NEGR1: variants seen among roughly 807,000 people sequenced by gnomAD.
The protein encoded by NEGR1 is IgLON family member 4.
In NEGR1, 10 loss-of-function variants were observed where a neutral mutation model predicts 40.9. The observed-to-expected ratio is 0.24, with a 90% CI of 0.15 to 0.42. The LOEUF is 0.42. NEGR1 is among the 10% of genes least tolerant of loss of function. NEGR1 has a pLI of 1.00. For synonymous variants in NEGR1, 185 were observed against 166.8 expected, an observed-to-expected ratio of 1.11 and a Z score of -0.84; for missense variants, 352 against 438.9, an observed-to-expected ratio of 0.80 and a Z score of 1.77.
intron 6 of NEGR1, among the ~76,000 whole-genome samples, chr1:71,503,849 G>A (rs1305659587): frequency 3.3e-5 from 5 of 151,598 alleles, no homozygotes; most frequent in Non-Finnish European, 5.9e-5. Flanking sequence ...TTAGGAAAGC[G>A]GCCATAACCA....
chr1:72,186,829 T>G (rs1652629022), intron 1 of NEGR1, among the ~76,000 whole-genome samples: 1 of 151,542 alleles, frequency 6.6e-6, no homozygotes, highest in Non-Finnish European at 1.5e-5. Flanking sequence ...CTCTGAAAAC[T>G]GTAATTTTTC....
At chr1:72,145,625 C>T (rs1650877540) in intron 1 of NEGR1, among the ~76,000 whole-genome samples, 1 of 151,922 alleles carries the variant, frequency 6.6e-6, no homozygotes, top group Non-Finnish European at 1.5e-5. Flanking sequence ...GCATTTTTGC[C>T]CCTCCATAGG....
chr1:72,261,688 C>T (rs967610335), intron 1 of NEGR1, among the ~76,000 whole-genome samples: 1 of 151,970 alleles, frequency 6.6e-6, no homozygotes, highest in Admixed American at 6.6e-5. Context: ...TACTCAGCCA[C>T]AGAAAGAATG....
chr1:71,581,695 A>AC lies in NEGR1; in HGVS notation c.940+11121dup, dbSNP rs1248142436. Among the ~76,000 whole-genome samples, 6 of 98,180 alleles carry AC rather than the reference A, an allele frequency of 6.1e-5. No individual in the cohort carries two copies. The Admixed American group carries it at 8.5e-4, about 14-fold the overall frequency. The allele number at this position is 98,180 out of a possible 152,430, so 64.4% of individuals were successfully genotyped here. A position where few individuals can be genotyped will look rare whatever the true frequency, so the allele number is the denominator to read the frequency against. ...TTACTATTTGTAAGTCTCATTATAC[A>AC]CAATTTTTTTTTTTTTTTTAAATTT... On this transcript the variant is annotated intron_variant, in intron 6 of 6. Transcript: ENST00000357731.
chr1:71,915,123 G>A (rs916635171), intron 2 of NEGR1, among the ~76,000 whole-genome samples: 6 of 151,738 alleles, frequency 4.0e-5, no homozygotes, highest in African/African-American at 1.5e-4. Context: ...GTTTTGTCAG[G>A]CTAGGAGATG....
intron 2 of NEGR1, among the ~76,000 whole-genome samples, chr1:71,926,864 A>T (rs1645778729): frequency 6.6e-6 from 1 of 152,168 alleles, no homozygotes; most frequent in African/African-American, 2.4e-5. Context: ...TTGCTTAGGA[A>T]TATATGATCT....
chr1:71,663,253 G>T (rs916748376), intron 4 of NEGR1, among the ~76,000 whole-genome samples: 1 of 151,968 alleles, frequency 6.6e-6, no homozygotes, highest in African/African-American at 2.4e-5. Context: ...CACCATGACC[G>T]GCCATTTTTT....
intron 1 of NEGR1, among the ~76,000 whole-genome samples, chr1:72,262,766 G>GC (rs1418183762): frequency 7.9e-5 from 12 of 151,540 alleles, no homozygotes; most frequent in African/African-American, 2.4e-4. Flanking sequence ...AAAATTATTC[G>GC]CAACAGCATA....
chr1:71,504,518 T>C (rs556158567), intron 6 of NEGR1, among the ~76,000 whole-genome samples: 1 of 152,028 alleles, frequency 6.6e-6, no homozygotes, highest in Non-Finnish European at 1.5e-5. Context: ...GAAAATATCC[T>C]GAATGGAAAT....
intron 2 of NEGR1, chr1:71,837,022 T>C (rs1659058686): frequency 6.6e-6 from 1 of 152,110 alleles, no homozygotes; most frequent in African/African-American, 2.4e-5. Context: ...AGACTCTTCC[T>C]TGTATTATTA....
At chr1:72,192,168 A>C (rs1570103028) in intron 1 of NEGR1, among the ~76,000 whole-genome samples, 1 of 151,890 alleles carries the variant, frequency 6.6e-6, no homozygotes, top group Admixed American at 6.6e-5. Context: ...TATTTTATGA[A>C]AATGCAGGGT....
intron 2 of NEGR1, among the ~76,000 whole-genome samples, chr1:71,785,952 G>T (rs1656894363): frequency 6.6e-6 from 1 of 152,164 alleles, no homozygotes; most frequent in Non-Finnish European, 1.5e-5. Flanking sequence ...TCTAAAAGCT[G>T]CTCTGGTGTT....
chr1:71,643,783 T>C (rs74088530), intron 4 of NEGR1, among the ~76,000 whole-genome samples: 5,568 of 152,098 alleles, frequency 0.037, 126 homozygotes, highest in African/African-American at 0.072. Context: ...TTGTGGTAAA[T>C]AGAATGCCTT....
chr1:71,759,773 C>T (rs138522706), intron 3 of NEGR1, among the ~76,000 whole-genome samples: 1 of 151,618 alleles, frequency 6.6e-6, no homozygotes, highest in Non-Finnish European at 1.5e-5. Flanking sequence ...CCATGTCTGG[C>T]TACTTTTTGT....
chr1:72,142,482 G>C (rs1368955275), intron 1 of NEGR1, among the ~76,000 whole-genome samples: 1 of 151,496 alleles, frequency 6.6e-6, no homozygotes. Flanking sequence ...TAGGCAACAA[G>C]ATAAGCCAAT....
chr1:72,046,105 T>C (rs1267802404), intron 1 of NEGR1, among the ~76,000 whole-genome samples: 1 of 151,748 alleles, frequency 6.6e-6, no homozygotes, highest in African/African-American at 2.4e-5. Flanking sequence ...AAAAACTGTA[T>C]TTCTGTTTGT....
intron 4 of NEGR1, among the ~76,000 whole-genome samples, chr1:71,671,893 CTTTTTTTT>C (rs10708807): frequency 4.9e-5 from 6 of 121,582 alleles, no homozygotes; most frequent in African/African-American, 1.4e-4. Flanking sequence ...CTCTCTCTCT[CTTTTTTTT>C]TTTTTTTTTT....
chr1:71,714,518 A>G (rs1258726772), intron 3 of NEGR1, among the ~76,000 whole-genome samples: 1 of 152,242 alleles, frequency 6.6e-6, no homozygotes, highest in Non-Finnish European at 1.5e-5. Flanking sequence ...ATGAGCCTGT[A>G]CAATGAAAAG....
chr1:72,268,393 CGCTGA>C (rs1311641281), intron 1 of NEGR1, among the ~76,000 whole-genome samples: 6 of 151,320 alleles, frequency 4.0e-5, no homozygotes, highest in African/African-American at 1.5e-4. Flanking sequence ...TTGCTGTGGC[CGCTGA>C]GCTAAGAGTT....
Sources: allele counts gnomAD v4.1 joint callset (sites outside exome capture counted in the v4.1 genomes callset), GRCh38; gene constraint gnomAD v4.1.1; transcripts MANE v1.5; gene names NCBI Gene and HGNC (gene_info 2026-07-23, HGNC 2026-07-21).